Variants in RBPMS observed in about 807,000 individuals in gnomAD.
The protein encoded by RBPMS is RNA-binding protein with multiple splicing.
Under a neutral mutation model 26.8 loss-of-function variants are expected in RBPMS, and 7 were observed. That is an observed-to-expected ratio of 0.26 (90% CI 0.15 to 0.49). RBPMS has a LOEUF of 0.49. Ranked by LOEUF, RBPMS falls within the 20% of genes least tolerant of loss-of-function variation. RBPMS has a pLI of 0.98. For synonymous variants in RBPMS, 96 were observed against 93.3 expected (o/e 1.03, Z -0.17); for missense variants, 186 against 250.0 (o/e 0.74, Z 1.73).
At chr8:30,561,637 G>A (rs1472163399) in intron 7 of RBPMS, among the ~76,000 whole-genome samples, 1 of 152,198 alleles carries the variant, frequency 6.6e-6, no homozygotes, top group Non-Finnish European at 1.5e-5. Context: ...AGCAGAGAAA[G>A]AGCAGCCCCC....
chr8:30,390,129 A>G (rs1807617602), intron 1 of RBPMS, among the ~76,000 whole-genome samples: 1 of 152,186 alleles, frequency 6.6e-6, no homozygotes, highest in Non-Finnish European at 1.5e-5. Context: ...GATCATTGCT[A>G]TTTACTTTCT....
chr8:30,544,994 T>C (rs1481341520), intron 6 of RBPMS: 1 of 1,450,766 alleles, frequency 6.9e-7, no homozygotes, highest in Non-Finnish European at 9.0e-7. Context: ...AGGTGTGTGC[T>C]AGGAGAAGGG....
At chr8:30,534,052 T>C (rs1310858482) in intron 5 of RBPMS, among the ~76,000 whole-genome samples, 1 of 151,756 alleles carries the variant, frequency 6.6e-6, no homozygotes, top group Non-Finnish European at 1.5e-5. Flanking sequence ...GAAAATTGCT[T>C]GAACCTGGGA....
At chr8:30,549,920 G>C (rs1463467856) in intron 6 of RBPMS, among the ~76,000 whole-genome samples, 1 of 147,898 alleles carries the variant, frequency 6.8e-6, no homozygotes, top group Non-Finnish European at 1.5e-5. Flanking sequence ...GTGTGATCTC[G>C]GCTCACTGCA....
At chr8:30,549,804 T>TCTCTCTCTCC (rs1383466717) in intron 6 of RBPMS, among the ~76,000 whole-genome samples, 41 of 102,810 alleles carry the variant, frequency 4.0e-4, no homozygotes, top group African/African-American at 1.8e-3. Flanking sequence ...CTCCCCTCTC[T>TCTCTCTCTCC]CCTCTCTCTC....
At chr8:30,540,071 G>A (rs115371193) in intron 5 of RBPMS, among the ~76,000 whole-genome samples, 197 of 152,316 alleles carry the variant, frequency 1.3e-3, no homozygotes, top group African/African-American at 4.6e-3. Context: ...CAGTCTTCTA[G>A]ACTAGCAGTG....
chr8:30,482,778 T>A (rs1387655501), intron 4 of RBPMS, among the ~76,000 whole-genome samples: 6 of 152,192 alleles, frequency 3.9e-5, no homozygotes, highest in Admixed American at 2.6e-4. Context: ...GCAAAATATC[T>A]GACCTATTCT....
chr8:30,387,384 C>T (rs1807235185), intron 1 of RBPMS: 1 of 152,058 alleles, frequency 6.6e-6, no homozygotes, highest in South Asian at 2.1e-4. Context: ...AACTCTTAAC[C>T]TCTTTTTTGT....
chr8:30,504,072 G>A (rs1820841039), intron 4 of RBPMS, among the ~76,000 whole-genome samples: 1 of 152,196 alleles, frequency 6.6e-6, no homozygotes, highest in East Asian at 1.9e-4. Flanking sequence ...GAAAATCTGT[G>A]TAACTACATT....
At chr8:30,422,725 T>C (rs965028686) in intron 1 of RBPMS, among the ~76,000 whole-genome samples, 2 of 152,184 alleles carry the variant, frequency 1.3e-5, no homozygotes, top group African/African-American at 4.8e-5. Flanking sequence ...TAGAAAACTT[T>C]CTATCTGGGC....
intron 1 of RBPMS, among the ~76,000 whole-genome samples, chr8:30,467,148 T>C (rs556840618): frequency 6.6e-6 from 1 of 152,302 alleles, no homozygotes; most frequent in Admixed American, 6.5e-5. Flanking sequence ...TGACAGGCCA[T>C]ATTAATGGTT....
chr8:30,531,359 A>T (rs1824207411), intron 5 of RBPMS, among the ~76,000 whole-genome samples: 1 of 152,106 alleles, frequency 6.6e-6, no homozygotes, highest in African/African-American at 2.4e-5. Flanking sequence ...CCTTCTGCTG[A>T]CCCTCATGCC....
At chr8:30,522,396 A>T (rs976820104) in intron 5 of RBPMS, among the ~76,000 whole-genome samples, 2 of 152,106 alleles carry the variant, frequency 1.3e-5, no homozygotes. Flanking sequence ...TGATCTCAAC[A>T]TTTGGAGACG....
At chr8:30,524,948 C>T (rs1410448489) in intron 5 of RBPMS, among the ~76,000 whole-genome samples, 1 of 152,094 alleles carries the variant, frequency 6.6e-6, no homozygotes, top group Non-Finnish European at 1.5e-5. Context: ...CAAGTTTAGT[C>T]TATCATACCA....
intron 5 of RBPMS, among the ~76,000 whole-genome samples, chr8:30,507,113 A>G (rs1821153149): frequency 6.6e-6 from 1 of 152,140 alleles, no homozygotes; most frequent in African/African-American, 2.4e-5. Flanking sequence ...GAGAGTGAGA[A>G]AACCAGGTGT....
chr8:30,527,646 A>AGCCCCAGCATCCTGTGCTGG (rs1823734967), intron 5 of RBPMS, among the ~76,000 whole-genome samples: 1 of 152,030 alleles, frequency 6.6e-6, no homozygotes, highest in Non-Finnish European at 1.5e-5. Flanking sequence ...GACTATTCCC[A>AGCCCCAGCATCCTGTGCTGG]GCCCCAGCAT....
At chr8:30,477,949 TTTAAAA>T (rs1817873399) in intron 3 of RBPMS, 112 bp downstream of exon 3, 2 of 736,358 alleles carry the variant, frequency 2.7e-6, no homozygotes, top group South Asian at 1.7e-5. Context: ...GTTTTTTGTC[TTTAAAA>T]TTAAAAGTGA....
At chr8:30,494,528 A>G (rs1819726648) in intron 4 of RBPMS, among the ~76,000 whole-genome samples, 1 of 152,242 alleles carries the variant, frequency 6.6e-6, no homozygotes, top group South Asian at 2.1e-4. Flanking sequence ...AGACACAGAA[A>G]GGTTAAACAG....
chr8:30,445,031 G>T (rs28605315), intron 1 of RBPMS, among the ~76,000 whole-genome samples: 37,515 of 151,920 alleles, frequency 0.25, 4,986 homozygotes, highest in East Asian at 0.42. Flanking sequence ...CCAAAGAGAG[G>T]TGGCTTCTGA....
Sources: gnomAD v4.1 joint callset for allele counts (sites outside exome capture counted in the v4.1 genomes callset) on GRCh38, gnomAD v4.1.1 for gene constraint, MANE v1.5 for transcripts, NCBI Gene and HGNC (gene_info 2026-07-23, HGNC 2026-07-21) for gene names.